Variants in DMD observed in about 807,000 individuals in gnomAD.
DMD encodes dystrophin, also known as mutant dystrophin.
A neutral mutation model predicts 330.1 loss-of-function variants in DMD; 63 were observed. The ratio of observed to expected loss-of-function variants is 0.19; its 90% CI spans 0.16 to 0.24. The LOEUF is 0.24. DMD is among the 10% of genes least tolerant of loss of function. The pLI is 1.00. For missense variants in DMD, 3,344 were observed against 2,684.1 expected, an observed-to-expected ratio of 1.25 and a Z score of -5.43; for synonymous variants, 1,223 against 959.8, an observed-to-expected ratio of 1.27 and a Z score of -5.07.
Position 32,485,048 on chromosome X carries a change from T to A in DMD, c.2674A>T (p.Ile892Phe), listed in dbSNP as rs1243834453. 4 of 1,211,441 alleles carry A rather than the reference T, an allele frequency of 3.3e-6. No homozygotes were observed. Among genetic ancestry groups the A allele is most frequent in the Non-Finnish European group, 4.5e-6 (4 of 895,174 alleles). ...DLQPQIERLK[I>F]QSIALKEKGQ... ...TTCTCTTTCAGGGCTATGCTTTGAA[T>A]TTTTAATCGTTCAATTTGAGGTTGA... The change falls in exon 21 of 79, where the codon ATT becomes TTT. Residue 892 changes from isoleucine (I) to phenylalanine (F), a missense_variant. Coordinates refer to ENST00000357033, the MANE Select transcript of DMD (RefSeq NM_004006.3).
chrX:32,028,033 A>C (rs1204540423), intron 44 of DMD, among the ~76,000 whole-genome samples: 3 of 112,312 alleles, frequency 2.7e-5, no homozygotes, highest in Non-Finnish European at 5.6e-5. Flanking sequence ...GAGGCAGGAG[A>C]GGGAGGGAGA....
chrX:31,730,739 G>A (rs1157007363), intron 51 of DMD, among the ~76,000 whole-genome samples: 2 of 111,369 alleles, frequency 1.8e-5, no homozygotes, highest in Non-Finnish European at 3.8e-5. Flanking sequence ...AGCAATATGT[G>A]ACAGATGTTT....
chrX:32,287,385 T>G, intron 43 of DMD, 144 bp downstream of exon 43: 1 of 521,126 alleles, frequency 1.9e-6, no homozygotes. Flanking sequence ...CATTATTTGT[T>G]CTCATTTTAC....
chrX:32,859,114 A>C (rs1391570268), intron 2 of DMD, among the ~76,000 whole-genome samples: 2 of 111,479 alleles, frequency 1.8e-5, no homozygotes, highest in African/African-American at 6.5e-5. Flanking sequence ...ATTGATTTTT[A>C]TGTTTCATTT....
Position 31,121,768 on chromosome X carries a change from T to C in DMD, c.*151A>G. On this transcript the variant is annotated 3_prime_UTR_variant, in exon 79 of 79. Transcript: ENST00000357033. Reference sequence around the variant, plus strand: ...AGATTTATTTCTTGTAAACTCTTACTGTCTAATCCTCTTTGTTGTATGAAT... The same window carrying C: ...AGATTTATTTCTTGTAAACTCTTACCGTCTAATCCTCTTTGTTGTATGAAT... 1 of 810,385 alleles carries C rather than the reference T, an allele frequency of 1.2e-6. No individual in the cohort carries two copies. The highest frequency in any genetic ancestry group is 1.9e-6 in the Non-Finnish European group (1 of 531,645). 66.8% of individuals were successfully genotyped at this position (810,385 alleles called of 1,213,427 possible). A position where few individuals can be genotyped will look rare whatever the true frequency, so the allele number is the denominator to read the frequency against.
At chrX:31,181,175 C>T (rs1010660029) in intron 68 of DMD, among the ~76,000 whole-genome samples, 11 of 111,789 alleles carry the variant, frequency 9.8e-5, no homozygotes, top group Non-Finnish European at 2.1e-4. Context: ...CCTCCATTAT[C>T]AGAATGCGAT....
intron 41 of DMD, among the ~76,000 whole-genome samples, chrX:32,314,267 G>C (rs1211984662): frequency 9.0e-6 from 1 of 111,519 alleles, no homozygotes; most frequent in Non-Finnish European, 1.9e-5. Context: ...TCTGATCTTT[G>C]ACAAACCTGA....
intron 3 of DMD, among the ~76,000 whole-genome samples, chrX:32,847,992 A>G (rs998688006): frequency 8.9e-6 from 1 of 112,144 alleles, no homozygotes; most frequent in Non-Finnish European, 1.9e-5. Flanking sequence ...CATGCTTATG[A>G]ATTACGAAAG....
intron 41 of DMD, among the ~76,000 whole-genome samples, chrX:32,319,001 G>C (rs2097596461): frequency 9.0e-6 from 1 of 111,158 alleles, no homozygotes; most frequent in Non-Finnish European, 1.9e-5. Flanking sequence ...TAATTCCTCA[G>C]GGCCAAGCTC....
intron 1 of DMD, among the ~76,000 whole-genome samples, chrX:33,202,415 T>G (rs1237669759): frequency 1.8e-5 from 2 of 111,701 alleles, no homozygotes; most frequent in African/African-American, 6.5e-5. Context: ...TGATTATGTT[T>G]CCCCACCTTC....
Position 32,928,664 on chromosome X carries a change from T to C in DMD, c.94-78844A>G, listed in dbSNP as rs745949451. 2.7e-5 allele frequency among the ~76,000 whole-genome samples: 3 copies of C among 111,872 alleles called. No homozygotes were observed. The Admixed American group carries it at 2.9e-4, about 11-fold the overall frequency. On this transcript the variant is annotated intron_variant, in intron 2 of 78. Transcript: ENST00000357033. ...CTAAACAGTATTATCTTATTCAGAGTAAAGCAATTGAGAGTTCTTTCTAAA... is the reference window on the plus strand; with the variant it reads ...CTAAACAGTATTATCTTATTCAGAGCAAAGCAATTGAGAGTTCTTTCTAAA...
intron 37 of DMD, among the ~76,000 whole-genome samples, chrX:32,355,775 G>A (rs2097796894): frequency 9.0e-6 from 1 of 110,738 alleles, no homozygotes; most frequent in African/African-American, 3.3e-5. Context: ...ACTATTACCT[G>A]AAGATATTAG....
chrX:32,879,696 T>C (rs2083721533), intron 2 of DMD, among the ~76,000 whole-genome samples: 1 of 111,625 alleles, frequency 9.0e-6, no homozygotes, highest in African/African-American at 3.3e-5. Flanking sequence ...ATGTTCATAA[T>C]CTTTTCCAGT....
chrX:31,407,745 G>T (rs946048150), intron 60 of DMD, among the ~76,000 whole-genome samples: 7 of 110,027 alleles, frequency 6.4e-5, no homozygotes, highest in Non-Finnish European at 1.1e-4. Flanking sequence ...CTCTCAAAGT[G>T]CTGGGATTTT....
At chrX:32,062,160 A>G (rs1476404480) in intron 44 of DMD, among the ~76,000 whole-genome samples, 2 of 111,040 alleles carry the variant, frequency 1.8e-5, no homozygotes, top group Non-Finnish European at 3.8e-5. Flanking sequence ...GTTGATATTT[A>G]TAAGGTCTGG....
rs759089877 is a variant in DMD, at chrX:33,336,463, T to C, written c.7+2796A>G. Among the ~76,000 whole-genome samples the C allele has an allele frequency of 1.3e-4, 14 of 110,713 alleles. No homozygotes were observed. The East Asian group carries it at 4.0e-3, about 32-fold the overall frequency. On this transcript the variant is annotated intron_variant, in intron 1 of 17. Transcript: ENST00000288447. ...AGCAACACCTGAGAGGCAGCTACTC[T>C]AGCTCATGTGGGAAATTTCACTTGA...
At chrX:32,323,513 A>T (rs1344727569) in intron 41 of DMD, among the ~76,000 whole-genome samples, 1 of 106,800 alleles carries the variant, frequency 9.4e-6, no homozygotes, top group Non-Finnish European at 1.9e-5. Context: ...AGGAAATAAA[A>T]TTATAAATTA....
intron 43 of DMD, among the ~76,000 whole-genome samples, chrX:32,247,834 T>C (rs1320555543): frequency 9.0e-6 from 1 of 111,683 alleles, no homozygotes; most frequent in East Asian, 2.8e-4. Flanking sequence ...TTCAGTTTTA[T>C]ATTTCTAGCC....
At chrX:32,068,373 C>CTTTTT (rs1569539146) in intron 44 of DMD, among the ~76,000 whole-genome samples, 2 of 60,510 alleles carry the variant, frequency 3.3e-5, no homozygotes, top group African/African-American at 1.5e-4. Flanking sequence ...CCTTGCTTGT[C>CTTTTT]ATTTTTTTTT....
Sources: allele counts gnomAD v4.1 joint callset (sites outside exome capture counted in the v4.1 genomes callset), GRCh38; gene constraint gnomAD v4.1.1; transcripts MANE v1.5; gene names NCBI Gene and HGNC (gene_info 2026-07-23, HGNC 2026-07-21).